Variants in GADL1 observed in about 807,000 individuals in gnomAD.
GADL1 encodes the protein acidic amino acid decarboxylase GADL1.
A neutral mutation model predicts 69.5 loss-of-function variants in GADL1; 71 were observed. That is an observed-to-expected ratio of 1.02 (90% CI 0.84 to 1.25). The LOEUF (loss-of-function observed/expected upper bound fraction) is 1.25, where lower values mean the gene tolerates loss of function less well. GADL1 is among the 50% of genes most tolerant of loss of function. The pLI is 0.00. For synonymous variants in GADL1, 254 were observed against 214.4 expected, an observed-to-expected ratio of 1.18 and a Z score of -1.62; for missense variants, 737 against 631.8, an observed-to-expected ratio of 1.17 and a Z score of -1.79.
At chr3:30,766,448 C>T (rs1449708103) in intron 14 of GADL1, among the ~76,000 whole-genome samples, 2 of 152,222 alleles carry the variant, frequency 1.3e-5, no homozygotes, top group Admixed American at 6.5e-5. Flanking sequence ...ATTTACTTCA[C>T]ATCAGGCTCT....
At chr3:30,867,439 T>TATATATATATATATATATACAC (rs1319135425) in intron 1 of GADL1, among the ~76,000 whole-genome samples, 68 of 138,856 alleles carry the variant, frequency 4.9e-4, no homozygotes, top group South Asian at 9.4e-4. Flanking sequence ...TATATATATA[T>TATATATATATATATATATACAC]ACACATATAT....
chr3:30,889,947 A>G (rs760316859), intron 1 of GADL1, among the ~76,000 whole-genome samples: 2 of 152,186 alleles, frequency 1.3e-5, no homozygotes, highest in Admixed American at 6.5e-5. Flanking sequence ...CCTAGAGACA[A>G]CACCTATTCT....
At chr3:30,754,733 C>G (rs980616016) in intron 14 of GADL1, among the ~76,000 whole-genome samples, 13 of 152,118 alleles carry the variant, frequency 8.5e-5, no homozygotes, top group African/African-American at 3.1e-4. Flanking sequence ...GCAAATTAAG[C>G]AGTGAGATGT....
chr3:30,747,400 A>G (rs1187192237), intron 14 of GADL1, among the ~76,000 whole-genome samples: 1 of 152,174 alleles, frequency 6.6e-6, no homozygotes, highest in Non-Finnish European at 1.5e-5. Flanking sequence ...GCATTTGTCT[A>G]TCTGAATACT....
chr3:30,883,222 C>T lies in GADL1; in HGVS notation c.37+11356G>A, dbSNP rs112982834. 2.9e-3 allele frequency among the ~76,000 whole-genome samples: 438 copies of T among 152,058 alleles called. 5 individuals carry two copies. Among genetic ancestry groups the T allele is most frequent in the African/African-American group, 9.4e-3 (390 of 41,530 alleles). On this transcript the variant is annotated intron_variant, in intron 1 of 14. Transcript: ENST00000282538. ...GGTGTCATATCCAATAAATCATTGC[C>T]AAATCCAATGTCATAAGGCTTTCTC...
At chr3:30,875,938 C>G in intron 1 of GADL1, among the ~76,000 whole-genome samples, 1 of 151,922 alleles carries the variant, frequency 6.6e-6, no homozygotes, top group Non-Finnish European at 1.5e-5. Context: ...ATTGGACACG[C>G]CTGGATTACC....
intron 8 of GADL1, among the ~76,000 whole-genome samples, chr3:30,842,793 C>T (rs140243893): frequency 0.02 from 1,363 of 69,682 alleles, 24 homozygotes; most frequent in African/African-American, 0.066. Context: ...CACCAGATAA[C>T]AATAAAGTTC....
At chr3:30,772,420 A>T (rs891833634) in intron 14 of GADL1, among the ~76,000 whole-genome samples, 2 of 152,114 alleles carry the variant, frequency 1.3e-5, no homozygotes, top group African/African-American at 4.8e-5. Flanking sequence ...GATGGGGCAA[A>T]ACAAACTAGT....
chr3:30,729,250 A>G (rs17026432), intron 14 of GADL1, among the ~76,000 whole-genome samples: 13,202 of 152,230 alleles, frequency 0.087, 1,514 homozygotes, highest in African/African-American at 0.26. Context: ...TATGGCCACC[A>G]AAGAGCTAGG....
intron 14 of GADL1, among the ~76,000 whole-genome samples, chr3:30,751,669 A>G (rs943337876): frequency 1.3e-5 from 2 of 152,130 alleles, no homozygotes; most frequent in Non-Finnish European, 2.9e-5. Flanking sequence ...CTATAAGCCC[A>G]CCCCTTCATC....
intron 11 of GADL1, among the ~76,000 whole-genome samples, chr3:30,807,197 A>G (rs1559505367): frequency 6.6e-6 from 1 of 152,178 alleles, no homozygotes; most frequent in Non-Finnish European, 1.5e-5. Flanking sequence ...ACATTCCAGT[A>G]TCCCCTGACC....
At chr3:30,822,900 C>T (rs1221449356) in intron 11 of GADL1, among the ~76,000 whole-genome samples, 1 of 151,966 alleles carries the variant, frequency 6.6e-6, no homozygotes, top group Non-Finnish European at 1.5e-5. Context: ...ACTGAATACG[C>T]AGTAGTCTCT....
At chr3:30,782,924 A>G (rs1387526885) in intron 13 of GADL1, among the ~76,000 whole-genome samples, 1 of 152,216 alleles carries the variant, frequency 6.6e-6, no homozygotes, top group African/African-American at 2.4e-5. Flanking sequence ...GGAGGTAGTT[A>G]TATAGTTTTA....
At chr3:30,885,671 C>A (rs1291140433) in intron 1 of GADL1, among the ~76,000 whole-genome samples, 1 of 152,004 alleles carries the variant, frequency 6.6e-6, no homozygotes, top group Admixed American at 6.5e-5. Context: ...TTCAACAAAA[C>A]AGACTTCTAT....
At chr3:30,889,255 T>G (rs963151546) in intron 1 of GADL1, among the ~76,000 whole-genome samples, 2 of 152,154 alleles carry the variant, frequency 1.3e-5, no homozygotes, top group Admixed American at 6.5e-5. Context: ...ATAAAACCAC[T>G]GAGTCCCTCC....
intron 11 of GADL1, 145 bp downstream of exon 11, chr3:30,833,708 C>G (rs1697827460): frequency 1.6e-6 from 1 of 624,716 alleles, no homozygotes; most frequent in Non-Finnish European, 2.9e-6. Flanking sequence ...ATTTGTCTTT[C>G]ATGTAGAGAC....
At chr3:30,757,591 C>CT (rs1389355348) in intron 14 of GADL1, among the ~76,000 whole-genome samples, 1 of 152,122 alleles carries the variant, frequency 6.6e-6, no homozygotes, top group Non-Finnish European at 1.5e-5. Context: ...TGGATTTCTG[C>CT]TTTAAGTTTG....
At chr3:30,850,812 T>C (rs1248802258) in intron 5 of GADL1, 23 bp downstream of exon 5, 4 of 1,338,238 alleles carry the variant, frequency 3.0e-6, no homozygotes, top group Non-Finnish European at 4.2e-6. Context: ...GGAAGGTTGA[T>C]ATCAATAACT....
chr3:30,827,797 A>G (rs1697707369), intron 11 of GADL1, among the ~76,000 whole-genome samples: 1 of 152,068 alleles, frequency 6.6e-6, no homozygotes, highest in South Asian at 2.1e-4. Flanking sequence ...AACTTTGCCA[A>G]AAGGTCTGGG....
Sources: gnomAD v4.1 joint callset for allele counts (sites outside exome capture counted in the v4.1 genomes callset) on GRCh38, gnomAD v4.1.1 for gene constraint, MANE v1.5 for transcripts, NCBI Gene and HGNC (gene_info 2026-07-23, HGNC 2026-07-21) for gene names.